ARHGAP5: variants seen among roughly 807,000 people sequenced by gnomAD.
The protein encoded by ARHGAP5 is rho GTPase-activating protein 5.
In ARHGAP5, 23 loss-of-function variants were observed where a neutral mutation model predicts 116.6. That is an observed-to-expected ratio of 0.20 (90% confidence interval 0.14 to 0.28). ARHGAP5 has a LOEUF of 0.28. Among genes scored for constraint, ARHGAP5 ranks in the 10% least tolerant of loss-of-function variants. ARHGAP5 has a pLI of 1.00. For synonymous variants in ARHGAP5, 574 were observed against 602.0 expected (o/e 0.95, Z 0.68); for missense variants, 1,405 against 1,774.8 (o/e 0.79, Z 3.74).
chr14:32,081,709 T>G (rs144750027), intron 1 of ARHGAP5, among the ~76,000 whole-genome samples: 1 of 152,282 alleles, frequency 6.6e-6, no homozygotes, highest in East Asian at 1.9e-4. Flanking sequence ...TTACTGTATT[T>G]GGTTTGTCAA....
At chr14:32,134,814 GC>G (rs1880700633) in intron 3 of ARHGAP5, among the ~76,000 whole-genome samples, 1 of 152,140 alleles carries the variant, frequency 6.6e-6, no homozygotes, top group Non-Finnish European at 1.5e-5. Flanking sequence ...GTAATTTATA[GC>G]CATTCCGTTT....
rs569892479 is a variant in ARHGAP5, at chr14:32,095,416, GT to G, written c.3717+1043del. On this transcript the variant is annotated intron_variant, in intron 2 of 6. Coordinates refer to ENST00000345122, the MANE Select transcript of ARHGAP5 (RefSeq NM_001030055.2). ...TGTAAACTTTGTTTTTTTTTTTTTT[GT>G]TTTTTTTTTTTTGAGATGGAGTTTC... Among the ~76,000 whole-genome samples the G allele has an allele frequency of 5.3e-3, 533 of 101,378 alleles. 1 individual carries two copies. The highest frequency in any genetic ancestry group is 0.018 in the African/African-American group (494 of 27,822). 66.5% of individuals were successfully genotyped at this position (101,378 alleles called of 152,430 possible).
chr14:32,123,159 AATT>A (rs1269205844), intron 3 of ARHGAP5, among the ~76,000 whole-genome samples: 1 of 152,026 alleles, frequency 6.6e-6, no homozygotes, highest in African/African-American at 2.4e-5. Flanking sequence ...AAAATAATAA[AATT>A]ATCACATAAT....
At chr14:32,088,953 G>A (rs947095552) in intron 1 of ARHGAP5, among the ~76,000 whole-genome samples, 4 of 151,796 alleles carry the variant, frequency 2.6e-5, no homozygotes, top group Non-Finnish European at 3.0e-5. Flanking sequence ...GATAGGAGTC[G>A]GATTTTGAAA....
intron 1 of ARHGAP5, among the ~76,000 whole-genome samples, chr14:32,089,125 T>C (rs2041859344): frequency 6.6e-6 from 1 of 151,970 alleles, no homozygotes. Context: ...TTCTAAAATA[T>C]GAGAATAAAT....
At chr14:32,125,115 C>T (rs1463846826) in intron 3 of ARHGAP5, among the ~76,000 whole-genome samples, 1 of 152,138 alleles carries the variant, frequency 6.6e-6, no homozygotes, top group African/African-American at 2.4e-5. Flanking sequence ...AGTTCCAGAA[C>T]ATTTTCATTT....
intron 3 of ARHGAP5, among the ~76,000 whole-genome samples, chr14:32,122,983 C>G (rs976178913): frequency 2.0e-5 from 3 of 151,996 alleles, no homozygotes; most frequent in Admixed American, 6.6e-5. Flanking sequence ...GATGGGTTTT[C>G]TTGCTTTTCA....
chr14:32,121,735 A>C (rs1324177243), intron 3 of ARHGAP5, among the ~76,000 whole-genome samples: 1 of 152,208 alleles, frequency 6.6e-6, no homozygotes, highest in Non-Finnish European at 1.5e-5. Context: ...TACTATACTG[A>C]TTAAGCAATC....
intron 3 of ARHGAP5, among the ~76,000 whole-genome samples, chr14:32,139,858 T>G (rs1381879865): frequency 1.3e-5 from 2 of 151,220 alleles, no homozygotes; most frequent in Non-Finnish European, 3.0e-5. Context: ...CCCATAGGTT[T>G]TTGTATATTG....
chr14:32,078,699 A>T (rs1489263891), intron 1 of ARHGAP5, among the ~76,000 whole-genome samples: 1 of 152,088 alleles, frequency 6.6e-6, no homozygotes, highest in Non-Finnish European at 1.5e-5. Context: ...CGCATGAAGG[A>T]TCTCGTTCAC....
intron 5 of ARHGAP5, among the ~76,000 whole-genome samples, chr14:32,151,445 G>A (rs745613838): frequency 6.6e-6 from 1 of 152,224 alleles, no homozygotes; most frequent in Non-Finnish European, 1.5e-5. Context: ...TCTTTGATAA[G>A]CAAAATGGAT....
At chr14:32,150,092 T>C (rs1594398644) in intron 5 of ARHGAP5, 59 bp downstream of exon 5, 1 of 1,384,902 alleles carries the variant, frequency 7.2e-7, no homozygotes, top group East Asian at 2.6e-5. Context: ...GGATATTGAT[T>C]GCTAAGTGTT....
chr14:32,091,468 C>A lies in ARHGAP5; in HGVS notation c.799C>A (p.Gln267Lys). The A allele has an allele frequency of 3.1e-6, 5 of 1,612,966 alleles. No individual in the cohort carries two copies. The highest frequency in any genetic ancestry group is 4.2e-6 in the Non-Finnish European group (5 of 1,179,476). ...TTTGGATGCTTATAAAACACAGAGACAACTTGTTGTCACAGCAACAGATAA... is the reference window on the plus strand; with the variant it reads ...TTTGGATGCTTATAAAACACAGAGAAAACTTGTTGTCACAGCAACAGATAA... ...PYLDAYKTQR[Q>K]LVVTATDKFE... Residue 267 changes from glutamine (Q) to lysine (K), a missense_variant, in exon 2 of 7, where the codon CAA becomes AAA. Physicochemically the swap from Gln to Lys is moderately conservative, Grantham distance 53. Around this residue, in one of 6 missense-constraint regions of ARHGAP5, gnomAD observed 944 missense variants for 1,095.3 expected, o/e 0.86. Transcript: ENST00000345122.
At chr14:32,116,747 G>A (rs1162650738) in intron 2 of ARHGAP5, among the ~76,000 whole-genome samples, 1 of 152,136 alleles carries the variant, frequency 6.6e-6, no homozygotes, top group Non-Finnish European at 1.5e-5. Flanking sequence ...TACAAATATA[G>A]ATAGACACAG....
rs1594400588 is a variant in ARHGAP5 at position 32,152,454 on chromosome 14, C to T, written c.4107C>T (p.Ala1369=). 1 of 1,607,498 alleles carries T rather than the reference C, an allele frequency of 6.2e-7. No homozygotes were observed. The highest frequency in any genetic ancestry group is 2.2e-5 in the East Asian group (1 of 44,714). Residue 1369 remains alanine (A), a synonymous_variant, in exon 6 of 7, where the codon GCC becomes GCT. Coordinates refer to ENST00000345122, the MANE Select transcript of ARHGAP5 (RefSeq NM_001030055.2). ...KIPDKTERLH[A]LKEIVKKFHP... is the part of the protein sequence containing the mutation. Reference sequence around the variant, plus strand: ...CGGATAAAACAGAACGTCTTCATGCCTTGAAAGAAATTGTTAAGAAATTTC... The same window carrying T: ...CGGATAAAACAGAACGTCTTCATGCTTTGAAAGAAATTGTTAAGAAATTTC...
chr14:32,154,389 TC>T, intron 6 of ARHGAP5: 1 of 435,530 alleles, frequency 2.3e-6, no homozygotes, highest in East Asian at 4.3e-5. Context: ...CCTCAGGTGA[TC>T]CGCCTGCCTC....
rs141066701 is a variant in ARHGAP5 at position 32,094,177 on chromosome 14, A to G, written c.3508A>G (p.Arg1170Gly). The G allele has an allele frequency of 3.7e-4, 604 of 1,612,822 alleles. No homozygotes were observed. Among genetic ancestry groups the G allele is most frequent in the Non-Finnish European group, 4.9e-4 (579 of 1,179,748 alleles). The change falls in exon 2 of 7, where the codon AGA becomes GGA. Residue 1170 changes from arginine to glycine, a missense_variant. By Grantham distance (125) the Arg-to-Gly change is moderately radical. This residue lies in a region of ARHGAP5 where 944 missense variants were observed against 1,095.3 expected (regional missense o/e 0.86). Transcript: ENST00000345122. ...TAGTAAAGCCAAGTCATACTATAGA[A>G]GAACACATTCAGATGCCAGTGATGA... ...LFSKAKSYYR[R>G]THSDASDDEA...
chr14:32,104,464 A>G (rs1878920422), intron 2 of ARHGAP5, among the ~76,000 whole-genome samples: 1 of 152,134 alleles, frequency 6.6e-6, no homozygotes, highest in East Asian at 1.9e-4. Context: ...TGTTAGCATA[A>G]AGGGTGTGAG....
intron 6 of ARHGAP5, chr14:32,154,018 T>C (rs1312368568): frequency 6.6e-6 from 1 of 152,294 alleles, no homozygotes; most frequent in African/African-American, 2.4e-5. Flanking sequence ...CCAAAGCTAG[T>C]TGAGAGAGCA....
Sources: allele counts gnomAD v4.1 joint callset (sites outside exome capture counted in the v4.1 genomes callset), GRCh38; gene constraint gnomAD v4.1.1; regional missense constraint gnomAD v4.1.1; transcripts MANE v1.5; gene names NCBI Gene and HGNC (gene_info 2026-07-23, HGNC 2026-07-21).